The following CHD7 variants were observed in gnomAD, a reference collection of about 807,000 sequenced individuals.
The protein encoded by CHD7 is ATP-dependent chromatin remodeler CHD7.
In CHD7, 24 loss-of-function variants were observed where a neutral mutation model predicts 307.3. The observed-to-expected ratio is 0.08, with a 90% confidence interval of 0.06 to 0.11. CHD7 has a LOEUF of 0.11. Ranked by LOEUF, CHD7 falls within the 10% of genes least tolerant of loss-of-function variation. The pLI, the probability that CHD7 is intolerant of heterozygous loss-of-function variation, is 1.00. For synonymous variants in CHD7, 1,363 were observed against 1,349.9 expected (o/e 1.01, Z -0.21); for missense variants, 3,106 against 3,727.1 (o/e 0.83, Z 4.34).
intron 1 of CHD7, among the ~76,000 whole-genome samples, chr8:60,718,397 C>G (rs1807721827): frequency 6.6e-6 from 1 of 152,048 alleles, no homozygotes; most frequent in South Asian, 2.1e-4. Context: ...ATCTCTTGAA[C>G]CCGGTAGGTG....
chr8:60,862,515 G>A, intron 36 of CHD7, 33 bp from the exon 37 acceptor site: 1 of 1,539,134 alleles, frequency 6.5e-7, no homozygotes, highest in South Asian at 1.2e-5. Flanking sequence ...GGAAGACTGT[G>A]TTTTTAATCA....
chr8:60,743,144 C>T, intron 2 of CHD7, 47 bp downstream of exon 2: 1 of 1,507,180 alleles, frequency 6.6e-7, no homozygotes, highest in Non-Finnish European at 9.1e-7. Context: ...TGAAATTCAA[C>T]ATGGCTAACT....
intron 1 of CHD7, among the ~76,000 whole-genome samples, chr8:60,719,615 G>C (rs1053531696): frequency 6.6e-6 from 1 of 152,128 alleles, no homozygotes; most frequent in African/African-American, 2.4e-5. Context: ...ATAAAGCCCT[G>C]GGGTAATAAA....
chr8:60,797,580 G>T (rs1317845388), intron 4 of CHD7, among the ~76,000 whole-genome samples: 1 of 152,150 alleles, frequency 6.6e-6, no homozygotes, highest in African/African-American at 2.4e-5. Flanking sequence ...GTGACAGTGG[G>T]GTCTTAAGCA....
intron 34 of CHD7, 148 bp from the exon 35 acceptor site, chr8:60,860,756 C>T: frequency 1.5e-6 from 1 of 679,314 alleles, no homozygotes; most frequent in Non-Finnish European, 2.5e-6. Context: ...CTTTTAATAG[C>T]TGTTCCCAAA....
chr8:60,744,722 G>A (rs966654688), intron 2 of CHD7, among the ~76,000 whole-genome samples: 1 of 151,732 alleles, frequency 6.6e-6, no homozygotes, highest in South Asian at 2.1e-4. Context: ...GGGCATGGTG[G>A]TGCATGCCTG....
chr8:60,834,870 T>C lies in CHD7; in HGVS notation c.3779-1203T>C, dbSNP rs909883687. ...ATCTGTGCTTGTTGCAGCAGTACCATGTGAGAGGCTGTGGTTGTCTGTCCC... is the reference window on the plus strand; with the variant it reads ...ATCTGTGCTTGTTGCAGCAGTACCACGTGAGAGGCTGTGGTTGTCTGTCCC... On this transcript the variant is annotated intron_variant, in intron 15 of 37. Coordinates refer to ENST00000423902, the MANE Select transcript of CHD7 (RefSeq NM_017780.4). Among the ~76,000 whole-genome samples the C allele has an allele frequency of 2.6e-5, 4 of 152,222 alleles. No homozygotes were observed. In the East Asian group the frequency reaches 7.7e-4, roughly 29 times the overall value.
intron 1 of CHD7, among the ~76,000 whole-genome samples, chr8:60,718,479 G>GA (rs796436410): frequency 2.0e-3 from 214 of 108,974 alleles, no homozygotes; most frequent in African/African-American, 5.7e-3. Flanking sequence ...CATCTCAAAA[G>GA]AAAAAAAAAA....
chr8:60,820,528 C>T (rs1282636494), intron 9 of CHD7, among the ~76,000 whole-genome samples: 1 of 152,138 alleles, frequency 6.6e-6, no homozygotes, highest in East Asian at 1.9e-4. Context: ...GGCTAATAGA[C>T]ATTATTTCTC....
chr8:60,687,749 G>C (rs4738815), intron 1 of CHD7, among the ~76,000 whole-genome samples: 117,495 of 152,170 alleles, frequency 0.77, 45,662 homozygotes, highest in East Asian at 0.94. Context: ...TAGGTAATAG[G>C]TAGAACTATT....
At chr8:60,771,755 T>TG (rs1249228476) in intron 2 of CHD7, among the ~76,000 whole-genome samples, 1 of 152,074 alleles carries the variant, frequency 6.6e-6, no homozygotes, top group African/African-American at 2.4e-5. Context: ...ATGACTTGGG[T>TG]GGGGGGCTTC....
intron 6 of CHD7, among the ~76,000 whole-genome samples, chr8:60,806,452 G>A (rs1348874342): frequency 6.6e-6 from 1 of 152,162 alleles, no homozygotes; most frequent in East Asian, 1.9e-4. Context: ...GAACTTGGTA[G>A]TATTTATTTA....
At chr8:60,816,528 A>C in intron 8 of CHD7, 27 bp downstream of exon 8, 1 of 1,265,626 alleles carries the variant, frequency 7.9e-7, no homozygotes, top group Non-Finnish European at 1.1e-6. Context: ...TACTTTTCCA[A>C]AGTATTTACT....
At position 60,841,852 on chromosome 8, in the gene CHD7, C is replaced by G; in HGVS notation, c.4650C>G (p.Asn1550Lys). The change falls in exon 21 of 38, where the codon AAC (asparagine) becomes AAG (lysine). Residue 1550 changes from asparagine (N) to lysine (K), a missense_variant. Transcript: ENST00000423902. The part of the protein sequence containing the change: ...LDIDALNGRN[N>K]LVIDTPRVRK... The stretch of plus-strand genomic sequence containing the variant: ...ATCTCCTCTTTTATTATTAGAACAA[C>G]CTGGTTATTGATACTCCAAGAGTGA... 1 of 1,607,478 alleles carries G rather than the reference C, an allele frequency of 6.2e-7. No individual in the cohort carries two copies. The highest frequency in any genetic ancestry group is 8.5e-7 in the Non-Finnish European group (1 of 1,176,400).
chr8:60,744,246 T>G (rs9298040), intron 2 of CHD7, among the ~76,000 whole-genome samples: 117,665 of 151,942 alleles, frequency 0.77, 45,838 homozygotes, highest in East Asian at 0.94. Context: ...GTTGTGATCT[T>G]GGATTCCTTT....
At chr8:60,785,554 G>T (rs1255586999) in intron 3 of CHD7, among the ~76,000 whole-genome samples, 1 of 152,072 alleles carries the variant, frequency 6.6e-6, no homozygotes, top group Non-Finnish European at 1.5e-5. Context: ...TTCAAACATT[G>T]TTTTCTCAGT....
intron 10 of CHD7, 31 bp from the exon 11 acceptor site, chr8:60,821,993 C>T (rs767479650): frequency 6.2e-7 from 1 of 1,613,270 alleles, no homozygotes; most frequent in South Asian, 1.1e-5. Flanking sequence ...CTTTGGGAAA[C>T]CACTAATGGG....
At chr8:60,793,142 T>G (rs2150693693) in intron 3 of CHD7, among the ~76,000 whole-genome samples, 1 of 152,198 alleles carries the variant, frequency 6.6e-6, no homozygotes, top group Non-Finnish European at 1.5e-5. Context: ...TTTGTGGCAG[T>G]TAGAGCGGAA....
intron 15 of CHD7, among the ~76,000 whole-genome samples, chr8:60,831,533 C>T (rs1231069003): frequency 1.3e-5 from 2 of 151,954 alleles, no homozygotes; most frequent in Non-Finnish European, 2.9e-5. Context: ...CTCTACTCTG[C>T]AGGCAGTGAA....
Sources: allele counts gnomAD v4.1 joint callset (sites outside exome capture counted in the v4.1 genomes callset), GRCh38; gene constraint gnomAD v4.1.1; transcripts MANE v1.5; gene names NCBI Gene and HGNC (gene_info 2026-07-23, HGNC 2026-07-21).